GAS7: variants seen among roughly 807,000 people sequenced by gnomAD.
The protein encoded by GAS7 is growth arrest specific 7, also known as growth arrest-specific protein 7.
Under a neutral mutation model 71.1 loss-of-function variants are expected in GAS7, and 28 were observed. That is an observed-to-expected ratio of 0.39 (90% CI 0.29 to 0.54). The LOEUF (loss-of-function observed/expected upper bound fraction) is 0.54. Ranked by LOEUF, GAS7 falls within the 20% of genes least tolerant of loss-of-function variation. The pLI, the probability that GAS7 is intolerant of heterozygous loss-of-function variation, is 0.62. For synonymous variants in GAS7, 258 were observed against 245.8 expected (o/e 1.05, Z -0.46); for missense variants, 436 against 627.8 (o/e 0.69, Z 3.27).
intron 1 of GAS7, among the ~76,000 whole-genome samples, chr17:10,065,587 A>T (rs999267298): frequency 6.6e-6 from 1 of 152,192 alleles, no homozygotes; most frequent in Non-Finnish European, 1.5e-5. Context: ...CTTCTCTCTT[A>T]TAAAGATGCT....
At position 9,916,600 on chromosome 17, in the gene GAS7, A is replaced by G. The variant is rs951955066; in HGVS notation, c.*628T>C. On this transcript the variant is annotated 3_prime_UTR_variant, in exon 14 of 14. Transcript: ENST00000432992. Reference sequence around the variant, plus strand: ...CTAATTTGCCGAATGAGGTAGTTCCATCCTGACCTCTCCAGGCATGGTGGG... The same window carrying G: ...CTAATTTGCCGAATGAGGTAGTTCCGTCCTGACCTCTCCAGGCATGGTGGG... 1.1e-5 allele frequency: 3 copies of G among 269,290 alleles called. No homozygotes were observed. The highest frequency in any genetic ancestry group is 1.0e-3 in the Middle Eastern group (1 of 976). The allele number at this position is 269,290 out of a possible 1,614,324, so 16.7% of individuals were successfully genotyped here. A position where few individuals can be genotyped will look rare whatever the true frequency, so the allele number is the denominator to read the frequency against.
chr17:10,036,558 G>A lies in GAS7; in HGVS notation c.184-16661C>T, dbSNP rs548290908. On this transcript the variant is annotated intron_variant, in intron 1 of 13. Transcript: ENST00000432992. ...TTCCTCTTCATGGCAGCCTCTCCGGGAAATGGGGCTGAGGCAAGTCGCTAG... is the reference window on the plus strand; with the variant it reads ...TTCCTCTTCATGGCAGCCTCTCCGGAAAATGGGGCTGAGGCAAGTCGCTAG... 3.8e-6 allele frequency: 6 copies of A among 1,566,376 alleles called. No homozygotes were observed. In the Admixed American group the frequency reaches 1.1e-4, roughly 29 times the overall value.
At chr17:10,156,903 C>T (rs2074209733) in intron 1 of GAS7, among the ~76,000 whole-genome samples, 1 of 152,158 alleles carries the variant, frequency 6.6e-6, no homozygotes, top group South Asian at 2.1e-4. Context: ...CAAGATCCCC[C>T]TCCAGGCACC....
chr17:10,070,994 C>T (rs1281836099), intron 1 of GAS7, among the ~76,000 whole-genome samples: 1 of 151,940 alleles, frequency 6.6e-6, no homozygotes, highest in East Asian at 1.9e-4. Context: ...AAACCAGGGA[C>T]TCCCACATCC....
intron 4 of GAS7, among the ~76,000 whole-genome samples, chr17:9,962,593 C>T (rs547759135): frequency 3.9e-5 from 6 of 152,272 alleles, no homozygotes; most frequent in African/African-American, 1.4e-4. Flanking sequence ...ACATTTATTT[C>T]AGAAGAATGC....
chr17:9,958,160 G>A (rs1024762484), intron 5 of GAS7, among the ~76,000 whole-genome samples: 1 of 152,112 alleles, frequency 6.6e-6, no homozygotes, highest in African/African-American at 2.4e-5. Context: ...CAAGAAACTT[G>A]CCCCAGGCTG....
chr17:9,925,451 G>A, intron 11 of GAS7, 25 bp downstream of exon 11: 2 of 1,613,078 alleles, frequency 1.2e-6, no homozygotes, highest in Non-Finnish European at 1.7e-6. Flanking sequence ...GCACTGACCA[G>A]GCCAGGCGGG....
intron 1 of GAS7, among the ~76,000 whole-genome samples, chr17:10,042,916 T>C (rs746700950): frequency 6.6e-6 from 1 of 152,320 alleles, no homozygotes; most frequent in South Asian, 2.1e-4. Flanking sequence ...GATGTGGCTA[T>C]GGTGACAGCC....
chr17:10,067,928 G>T (rs558642666), intron 1 of GAS7, among the ~76,000 whole-genome samples: 3 of 152,284 alleles, frequency 2.0e-5, no homozygotes, highest in Admixed American at 6.5e-5. Flanking sequence ...TAACCACTGA[G>T]GTGTGGTCAC....
At chr17:10,078,177 G>C (rs939286879) in intron 1 of GAS7, among the ~76,000 whole-genome samples, 5 of 151,788 alleles carry the variant, frequency 3.3e-5, no homozygotes, top group African/African-American at 7.3e-5. Context: ...CTGCAGTCTC[G>C]ATCTCCCAGG....
At position 9,974,902 on chromosome 17, in the gene GAS7, C is replaced by T. The variant is rs2070126118; in HGVS notation, c.386-5140G>A. Among the ~76,000 whole-genome samples the T allele has an allele frequency of 6.6e-6, 1 of 152,196 alleles. No individual in the cohort carries two copies. The highest frequency in any genetic ancestry group is 1.5e-5 in the Non-Finnish European group (1 of 68,030). On this transcript the variant is annotated intron_variant, in intron 3 of 13. Transcript: ENST00000432992. The surrounding 1 kb of genome is among the most constrained non-coding windows in gnomAD (Gnocchi z 4.0). ...AGTACCGATCCCTGAGGGAAAAAGT[C>T]GCATCCTCAGAGCCCTACTCTCCAG...
chr17:9,922,899 TTTTGTTTGTTTG>T (rs1003595499), intron 11 of GAS7, among the ~76,000 whole-genome samples: 1 of 152,190 alleles, frequency 6.6e-6, no homozygotes, highest in Non-Finnish European at 1.5e-5. Context: ...CACTGTCTTT[TTTTGTTTGTTTG>T]TTTGTTTTGT....
chr17:9,919,881 G>A lies in GAS7; in HGVS notation c.1139-176C>T, dbSNP rs887043404. ...AGAAAGCAGAGCCAGGGAAGGAAGG[G>A]GGCAACCCAGCCCCATGAGAACCCA... is the stretch of plus-strand genomic sequence containing the variant. On this transcript the variant is annotated intron_variant, in intron 11 of 13. Coordinates refer to ENST00000432992, the MANE Select transcript of GAS7 (RefSeq NM_201433.2). The surrounding 1 kb of genome is among the most constrained non-coding windows in gnomAD (Gnocchi z 5.0). 7.2e-5 allele frequency among the ~76,000 whole-genome samples: 11 copies of A among 152,142 alleles called. No homozygotes were observed. Among genetic ancestry groups the A allele is most frequent in the Non-Finnish European group, 7.3e-5 (5 of 68,042 alleles).
chr17:10,121,978 C>T (rs1676896233), intron 1 of GAS7, among the ~76,000 whole-genome samples: 1 of 152,170 alleles, frequency 6.6e-6, no homozygotes, highest in Non-Finnish European at 1.5e-5. Context: ...CCTCCAAAAA[C>T]ACGTGCCTCG....
At chr17:9,979,231 C>T (rs1163625291) in intron 3 of GAS7, among the ~76,000 whole-genome samples, 1 of 152,188 alleles carries the variant, frequency 6.6e-6, no homozygotes, top group African/African-American at 2.4e-5. Flanking sequence ...CTTCATGGAG[C>T]ACGGATACAT....
Position 10,002,479 on chromosome 17 carries a change from T to C in GAS7, c.304+17298A>G, listed in dbSNP as rs181500435. ...ACAACATGCAGGTTTGTTACATATG[T>C]ATACATGTGCCATGTTGGTGTGCTG... is the stretch of plus-strand genomic sequence containing the variant. On this transcript the variant is annotated intron_variant, in intron 2 of 13. Transcript: ENST00000432992. Among the ~76,000 whole-genome samples, 630 of 152,288 alleles carry C rather than the reference T, an allele frequency of 4.1e-3. 4 individuals carry two copies. The highest frequency in any genetic ancestry group is 7.6e-3 in the Non-Finnish European group (517 of 68,016).
intron 9 of GAS7, among the ~76,000 whole-genome samples, chr17:9,932,209 T>G (rs1393818115): frequency 6.7e-6 from 1 of 150,134 alleles, no homozygotes; most frequent in Admixed American, 6.6e-5. Context: ...TTTTTTTTTT[T>G]TTTTGAGACA....
At position 9,910,962 on chromosome 17, in the gene GAS7, A is replaced by G. The variant is rs900408658; in HGVS notation, c.*6266T>C. ...AAAGTATTTAGCAAAAGTTACAGAAAACAGATCAAACAAGCAAGTTTATTT... is the reference window on the plus strand; with the variant it reads ...AAAGTATTTAGCAAAAGTTACAGAAGACAGATCAAACAAGCAAGTTTATTT... On this transcript the variant is annotated 3_prime_UTR_variant, in exon 14 of 14. Transcript: ENST00000432992. The G allele has an allele frequency of 9.5e-5, 22 of 232,360 alleles. No individual in the cohort carries two copies. The highest frequency in any genetic ancestry group is 4.9e-4 in the African/African-American group (22 of 45,240). The allele number at this position is 232,360 out of a possible 1,614,324, so 14.4% of individuals were successfully genotyped here.
In GAS7 at chr17:9,947,111, G is replaced by C. The variant is rs532083364; in HGVS notation, c.526-128C>G. 5.0e-6 allele frequency: 3 copies of C among 595,620 alleles called. No individual in the cohort carries two copies. The East Asian group carries it at 9.4e-5, about 19-fold the overall frequency. 36.9% of individuals were successfully genotyped at this position (595,620 alleles called of 1,614,324 possible). On this transcript the variant is annotated intron_variant, in intron 5 of 13. Transcript: ENST00000432992. ...ACAGAACACGCACAGGGATCTTCCC[G>C]TGCTCCAGGGGCCAGCATTTCACAT...
Sources: allele counts gnomAD v4.1 joint callset (sites outside exome capture counted in the v4.1 genomes callset), GRCh38; gene constraint gnomAD v4.1.1; non-coding constraint Gnocchi (gnomAD v3.1); transcripts MANE v1.5; gene names NCBI Gene and HGNC (gene_info 2026-07-23, HGNC 2026-07-21).